Variants in ATAD2 observed in about 807,000 individuals in gnomAD.
The protein encoded by ATAD2 is ATPase family AAA domain containing 2.
Under a neutral mutation model 168.9 loss-of-function variants are expected in ATAD2, and 62 were observed. The observed-to-expected ratio is 0.37, with a 90% CI of 0.30 to 0.45. The LOEUF (loss-of-function observed/expected upper bound fraction) is 0.45, where lower values mean the gene tolerates loss of function less well. ATAD2 is among the 20% of genes least tolerant of loss of function. The pLI is 1.00. For synonymous variants in ATAD2, 613 were observed against 571.6 expected, an observed-to-expected ratio of 1.07 and a Z score of -1.03; for missense variants, 1,419 against 1,667.8, an observed-to-expected ratio of 0.85 and a Z score of 2.60.
At chr8:123,377,852 TA>T (rs1829367411) in intron 2 of ATAD2, among the ~76,000 whole-genome samples, 1 of 152,238 alleles carries the variant, frequency 6.6e-6, no homozygotes, top group Non-Finnish European at 1.5e-5. Context: ...CTTATCTCAT[TA>T]ATCTAAGATA....
At chr8:123,382,071 A>G (rs968154732) in intron 1 of ATAD2, among the ~76,000 whole-genome samples, 1 of 152,166 alleles carries the variant, frequency 6.6e-6, no homozygotes, top group Non-Finnish European at 1.5e-5. Flanking sequence ...CAAACCAAAG[A>G]TAGAAATCAA....
At chr8:123,365,700 A>G (rs189547699) in intron 8 of ATAD2, among the ~76,000 whole-genome samples, 1 of 152,364 alleles carries the variant, frequency 6.6e-6, no homozygotes, top group African/African-American at 2.4e-5. Flanking sequence ...TGGTGCTGGG[A>G]TAATTGGGTA....
rs1373953111 is a variant in ATAD2 at position 123,402,642 on chromosome 8, G to A, written c.-2281-1467C>T. Among the ~76,000 whole-genome samples, 1 of 152,112 alleles carries A rather than the reference G, an allele frequency of 6.6e-6. No individual in the cohort carries two copies. The highest frequency in any genetic ancestry group is 2.4e-5 in the African/African-American group (1 of 41,416). ...CCCTGTCCCTGGCCCTGGGGAGAAG[G>A]CTGCTCTGGTCATGGCTGCCTGCCC... is the stretch of plus-strand genomic sequence containing the variant. On this transcript the variant is annotated intron_variant, in intron 1 of 28. Transcript: ENST00000521903. The surrounding 1 kb of genome is among the most constrained non-coding windows in gnomAD (Gnocchi z 4.8).
chr8:123,369,033 A>G, intron 8 of ATAD2, 25 bp downstream of exon 8: 1 of 1,380,824 alleles, frequency 7.2e-7, no homozygotes, highest in African/African-American at 1.4e-5. Flanking sequence ...GTTGTCATAA[A>G]TCAATCACTA....
upstream of ATAD2, chr8:123,401,441 C>G (rs1171057860): frequency 1.4e-6 from 2 of 1,449,004 alleles, no homozygotes; most frequent in Non-Finnish European, 1.9e-6. Context: ...TGTATTACGT[C>G]AAACAGAAGT....
At chr8:123,345,276 C>G (rs1387838313) in intron 18 of ATAD2, among the ~76,000 whole-genome samples, 4 of 152,076 alleles carry the variant, frequency 2.6e-5, no homozygotes, top group Admixed American at 2.6e-4. Flanking sequence ...CTTCAAGCAA[C>G]TAGAAAACAG....
chr8:123,356,456 T>G lies in ATAD2; in HGVS notation c.1579A>C (p.Ile527Leu), dbSNP rs567417599. Residue 527 changes from isoleucine (I) to leucine (L), a missense_variant, in exon 13 of 28, where the codon ATT becomes CTT. Transcript: ENST00000287394. ...FDQAYQMRPS[I>L]IFFDEIDGLA... Reference sequence around the variant, plus strand: ...CCATCAATTTCGTCAAAAAAAATAATTGATGGGCGCATCTGATAGGCCTAG... The same window carrying G: ...CCATCAATTTCGTCAAAAAAAATAAGTGATGGGCGCATCTGATAGGCCTAG... The G allele has an allele frequency of 6.2e-7, 1 of 1,612,792 alleles. No individual in the cohort carries two copies. Among genetic ancestry groups the G allele is most frequent in the Non-Finnish European group, 8.5e-7 (1 of 1,179,248 alleles).
At chr8:123,380,313 A>C (rs1563860380) in intron 2 of ATAD2, among the ~76,000 whole-genome samples, 1 of 152,106 alleles carries the variant, frequency 6.6e-6, no homozygotes, top group Non-Finnish European at 1.5e-5. Context: ...TCGGCCTCCC[A>C]AAGTGCTGGG....
chr8:123,354,684 A>T (rs1828574633), intron 13 of ATAD2, among the ~76,000 whole-genome samples: 1 of 151,264 alleles, frequency 6.6e-6, no homozygotes, highest in South Asian at 2.1e-4. Flanking sequence ...CTAAAATACA[A>T]AAATTTAGCT....
intron 24 of ATAD2, among the ~76,000 whole-genome samples, chr8:123,329,981 C>CTTTTT (rs71310666): frequency 5.0e-5 from 5 of 100,342 alleles, no homozygotes; most frequent in African/African-American, 1.4e-4. Flanking sequence ...CCAGTGGCTT[C>CTTTTT]TTTTTTTTTT....
intron 1 of ATAD2, among the ~76,000 whole-genome samples, chr8:123,410,153 C>T (rs1813133101): frequency 6.6e-6 from 1 of 152,114 alleles, no homozygotes. Context: ...ACACAGGTTT[C>T]TTTGAGTAGC....
chr8:123,384,909 G>A (rs537958588), intron 1 of ATAD2, among the ~76,000 whole-genome samples: 17 of 152,220 alleles, frequency 1.1e-4, no homozygotes, highest in South Asian at 2.1e-4. Context: ...TTTATTTCTT[G>A]GCGCTCAGAA....
chr8:123,387,931 T>C (rs1829691151), intron 1 of ATAD2, among the ~76,000 whole-genome samples: 2 of 152,178 alleles, frequency 1.3e-5, no homozygotes, highest in South Asian at 4.1e-4. Context: ...AAATAGGATG[T>C]ACTCAACACA....
At chr8:123,403,972 C>T (rs1813038776) in intron 1 of ATAD2, among the ~76,000 whole-genome samples, 1 of 152,096 alleles carries the variant, frequency 6.6e-6, no homozygotes, top group South Asian at 2.1e-4. Context: ...GCTGAGCAGA[C>T]TAAAAAGGCA....
At chr8:123,397,809 G>C (rs1375835501), upstream of ATAD2, among the ~76,000 whole-genome samples, 1 of 152,108 alleles carries the variant, frequency 6.6e-6, no homozygotes, top group Admixed American at 6.6e-5. Flanking sequence ...AGTAGGGAAG[G>C]GGGAGGGAAG....
Position 123,335,714 on chromosome 8 carries a change from C to A in ATAD2, c.3211+659G>T, listed in dbSNP as rs115275149. On this transcript the variant is annotated intron_variant, in intron 22 of 27. Transcript: ENST00000287394. ...AAAATTTGTAAAAATGTATGGGGTG[C>A]AAGTGTAATTTTTGTTACAGGCACA... Among the ~76,000 whole-genome samples the A allele has an allele frequency of 7.8e-3, 1,194 of 152,140 alleles. 17 individuals are homozygous for A. Among genetic ancestry groups the A allele is most frequent in the African/African-American group, 0.027 (1,132 of 41,516 alleles).
rs147632645 is a variant in ATAD2 at position 123,348,484 on chromosome 8, C to T, written c.1807-211G>A. Among the ~76,000 whole-genome samples, 1,045 of 152,272 alleles carry T rather than the reference C, an allele frequency of 6.9e-3. 7 individuals are homozygous for T. The highest frequency in any genetic ancestry group is 9.8e-3 in the Non-Finnish European group (665 of 68,034). ...TTGAGGTTGGAAGTTCAAGACCAGCCTGGCCAACATGGTGAAAACCACTCT... is the reference window on the plus strand; with the variant it reads ...TTGAGGTTGGAAGTTCAAGACCAGCTTGGCCAACATGGTGAAAACCACTCT... On this transcript the variant is annotated intron_variant, in intron 14 of 27. Coordinates refer to ENST00000287394, the MANE Select transcript of ATAD2 (RefSeq NM_014109.4).
chr8:123,385,550 A>G (rs1829622681), intron 1 of ATAD2, among the ~76,000 whole-genome samples: 1 of 152,154 alleles, frequency 6.6e-6, no homozygotes, highest in Non-Finnish European at 1.5e-5. Context: ...ATAAAGAACT[A>G]AAAAACAATT....
chr8:123,414,250 G>A (rs868392903), intron 1 of ATAD2, among the ~76,000 whole-genome samples: 19 of 151,608 alleles, frequency 1.3e-4, no homozygotes, highest in African/African-American at 4.6e-4. Flanking sequence ...TCCTCATAAT[G>A]ACCCTATGAG....
Sources: gnomAD v4.1 joint callset for allele counts (sites outside exome capture counted in the v4.1 genomes callset) on GRCh38, gnomAD v4.1.1 for gene constraint, Gnocchi (gnomAD v3.1) non-coding constraint, MANE v1.5 for transcripts, NCBI Gene and HGNC (gene_info 2026-07-23, HGNC 2026-07-21) for gene names.